EFNA5: variants seen among roughly 807,000 people sequenced by gnomAD.
EFNA5 encodes ephrin A5, also known as ephrin-A5.
In EFNA5, 5 loss-of-function variants were observed where a neutral mutation model predicts 22.9. The observed-to-expected ratio is 0.22, with a 90% CI of 0.11 to 0.46. The LOEUF is 0.46. EFNA5 is among the 20% of genes least tolerant of loss of function. EFNA5 has a pLI of 0.99. For missense variants in EFNA5, 237 were observed against 293.3 expected (o/e 0.81, Z 1.40); for synonymous variants, 113 against 112.2 (o/e 1.01, Z -0.04).
At chr5:107,510,710 G>T (rs1747350689) in intron 1 of EFNA5, among the ~76,000 whole-genome samples, 2 of 152,128 alleles carry the variant, frequency 1.3e-5, no homozygotes, top group Non-Finnish European at 2.9e-5. Context: ...AATAAGTCAT[G>T]AGGTGCTGAA....
intron 2 of EFNA5, among the ~76,000 whole-genome samples, chr5:107,409,722 A>C (rs2112400001): frequency 6.6e-6 from 1 of 152,356 alleles, no homozygotes; most frequent in African/African-American, 2.4e-5. Flanking sequence ...TGTTCATTAA[A>C]GTGGAACAAA....
At chr5:107,608,243 C>T (rs1395114351) in intron 1 of EFNA5, among the ~76,000 whole-genome samples, 1 of 152,166 alleles carries the variant, frequency 6.6e-6, no homozygotes, top group African/African-American at 2.4e-5. Context: ...AGAATGCTTG[C>T]TTTTCAGTTC....
chr5:107,430,800 T>C (rs1360314898), intron 1 of EFNA5, among the ~76,000 whole-genome samples: 12 of 143,380 alleles, frequency 8.4e-5, no homozygotes, highest in African/African-American at 3.1e-4. Flanking sequence ...TTTTTTGAGA[T>C]GGAGTTTCAC....
At chr5:107,496,216 G>C (rs1746978286) in intron 1 of EFNA5, among the ~76,000 whole-genome samples, 1 of 148,316 alleles carries the variant, frequency 6.7e-6, no homozygotes, top group South Asian at 2.1e-4. Flanking sequence ...GTGGTGGCAG[G>C]CACCTGTAAT....
chr5:107,476,057 T>TATATATATATGTATATATA, intron 1 of EFNA5, among the ~76,000 whole-genome samples: 1 of 100,424 alleles, frequency 1.0e-5, no homozygotes, highest in Admixed American at 1.1e-4. Flanking sequence ...TATATATATA[T>TATATATATATGTATATATA]TTTTTTTTTT....
In EFNA5 at chr5:107,435,156, G is replaced by A. The variant is rs138179134; in HGVS notation, c.126-7647C>T. ...GTCCCAAAAGGGGCTAATGGGTCCT[G>A]CAACAGATATGGGTTTGGTTTATAA... On this transcript the variant is annotated intron_variant, in intron 1 of 4. Coordinates refer to ENST00000333274, the MANE Select transcript of EFNA5 (RefSeq NM_001962.3). Among the ~76,000 whole-genome samples the A allele has an allele frequency of 1.8e-4, 28 of 152,228 alleles. No individual in the cohort carries two copies. In the East Asian group the frequency reaches 5.4e-3, roughly 29 times the overall value.
At chr5:107,619,621 C>T (rs561501531) in intron 1 of EFNA5, among the ~76,000 whole-genome samples, 173 of 151,964 alleles carry the variant, frequency 1.1e-3, no homozygotes, top group African/African-American at 3.9e-3. Context: ...CTACCATACC[C>T]GGCTAATTTT....
intron 1 of EFNA5, among the ~76,000 whole-genome samples, chr5:107,587,240 C>G (rs943540816): frequency 6.6e-6 from 1 of 152,098 alleles, no homozygotes; most frequent in Non-Finnish European, 1.5e-5. Context: ...CCCTTCTCCC[C>G]CTCCTGTCCT....
At chr5:107,450,946 T>C (rs1015891545) in intron 1 of EFNA5, among the ~76,000 whole-genome samples, 9 of 152,270 alleles carry the variant, frequency 5.9e-5, no homozygotes, top group African/African-American at 2.2e-4. Context: ...AACTGAGAGC[T>C]ACGTGGTCTT....
rs75611050 is a variant in EFNA5 at position 107,599,850 on chromosome 5, G to A, written c.125+70639C>T. 5.1e-3 allele frequency among the ~76,000 whole-genome samples: 773 copies of A among 152,288 alleles called. 6 individuals carry two copies. Among genetic ancestry groups the A allele is most frequent in the African/African-American group, 0.018 (742 of 41,572 alleles). On this transcript the variant is annotated intron_variant, in intron 1 of 4. Transcript: ENST00000333274. ...CTCTCATTTTCAGAAATGCATCTCC[G>A]AGGCTGTGCCTTGCAGACACACAAT...
intron 1 of EFNA5, among the ~76,000 whole-genome samples, chr5:107,644,921 G>A (rs1006226448): frequency 2.6e-5 from 4 of 152,062 alleles, no homozygotes; most frequent in East Asian, 1.9e-4. Context: ...GGCCGGTCTC[G>A]AACTCCCAAC....
At chr5:107,480,894 A>G (rs25963) in intron 1 of EFNA5, among the ~76,000 whole-genome samples, 110,909 of 152,096 alleles carry the variant, frequency 0.73, 41,895 homozygotes, top group African/African-American at 0.93. Context: ...ACTTGGAAAT[A>G]ACAGGTCTGA....
chr5:107,546,770 T>G (rs1214778701), intron 1 of EFNA5, among the ~76,000 whole-genome samples: 1 of 152,180 alleles, frequency 6.6e-6, no homozygotes, highest in Non-Finnish European at 1.5e-5. Context: ...ATGCCTTTCC[T>G]GTCAACCAGC....
At chr5:107,537,552 T>C (rs1386392492) in intron 1 of EFNA5, among the ~76,000 whole-genome samples, 1 of 152,138 alleles carries the variant, frequency 6.6e-6, no homozygotes, top group Non-Finnish European at 1.5e-5. Flanking sequence ...TGAGCTGAGA[T>C]CGTACCATTG....
At chr5:107,505,142 AG>A (rs141400794) in intron 1 of EFNA5, among the ~76,000 whole-genome samples, 16,622 of 152,234 alleles carry the variant, frequency 0.11, 997 homozygotes, top group Middle Eastern at 0.19. Context: ...TTTTAAGATA[AG>A]GGACCTGTTA....
At chr5:107,537,846 C>T (rs1018333827) in intron 1 of EFNA5, among the ~76,000 whole-genome samples, 6 of 152,118 alleles carry the variant, frequency 3.9e-5, no homozygotes, top group African/African-American at 9.7e-5. Context: ...AAACTATGGT[C>T]GTGAGACCTC....
intron 1 of EFNA5, among the ~76,000 whole-genome samples, chr5:107,537,098 C>T (rs1028515442): frequency 1.7e-4 from 25 of 143,812 alleles, no homozygotes; most frequent in East Asian, 5.9e-4. Flanking sequence ...AGCAAGACTC[C>T]GCCTCAAAGA....
At chr5:107,646,557 T>G (rs554464125) in intron 1 of EFNA5, among the ~76,000 whole-genome samples, 1 of 152,142 alleles carries the variant, frequency 6.6e-6, no homozygotes, top group Non-Finnish European at 1.5e-5. Context: ...GTAATACTGA[T>G]TAAACATGTT....
intron 1 of EFNA5, among the ~76,000 whole-genome samples, chr5:107,513,281 T>C (rs153117): frequency 0.33 from 49,697 of 151,836 alleles, 8,783 homozygotes; most frequent in African/African-American, 0.43. Flanking sequence ...AGAGAGAGAC[T>C]CTATCAAATA....
Sources: allele counts gnomAD v4.1 joint callset (sites outside exome capture counted in the v4.1 genomes callset), GRCh38; gene constraint gnomAD v4.1.1; transcripts MANE v1.5; gene names NCBI Gene and HGNC (gene_info 2026-07-23, HGNC 2026-07-21).